SLC35E4: variants seen among roughly 807,000 people sequenced by gnomAD.
The protein encoded by SLC35E4 is solute carrier family 35, member E4.
Under a neutral mutation model 19.3 loss-of-function variants are expected in SLC35E4, and 15 were observed. The observed-to-expected ratio is 0.78, with a 90% CI of 0.52 to 1.20. The LOEUF (loss-of-function observed/expected upper bound fraction) is 1.20. Ranked by LOEUF, SLC35E4 falls within the 50% of genes most tolerant of loss-of-function variation. The probability of loss-of-function intolerance (pLI) is 0.00; values close to 1 mark genes in which losing one functional copy is unlikely to be tolerated. For synonymous variants in SLC35E4, 219 were observed against 219.9 expected, an observed-to-expected ratio of 1.00 and a Z score of 0.04; for missense variants, 406 against 472.3, an observed-to-expected ratio of 0.86 and a Z score of 1.30.
intron 2 of SLC35E4, among the ~76,000 whole-genome samples, chr22:30,657,316 G>T (rs566012216): frequency 1.3e-5 from 2 of 151,376 alleles, no homozygotes; most frequent in African/African-American, 2.4e-5. Context: ...CAAATTAGCC[G>T]GGCGTGGGGG....
chr22:30,638,816 A>C (rs1490906123), intron 1 of SLC35E4, among the ~76,000 whole-genome samples: 1 of 152,004 alleles, frequency 6.6e-6, no homozygotes, highest in Non-Finnish European at 1.5e-5. Flanking sequence ...CTGTCTCAAA[A>C]TTAGCCGGGC....
chr22:30,663,902 G>A (rs754665481), downstream of SLC35E4: 28 of 1,614,020 alleles, frequency 1.7e-5, no homozygotes, highest in East Asian at 2.0e-4. Context: ...TGTTGTTGGC[G>A]GCCACACCAT....
intron 1 of SLC35E4, among the ~76,000 whole-genome samples, chr22:30,643,741 A>C (rs973442068): frequency 6.6e-6 from 1 of 152,186 alleles, no homozygotes; most frequent in Admixed American, 6.5e-5. Flanking sequence ...AGTATCACAC[A>C]GCCCGTGAAA....
At position 30,647,143 on chromosome 22, in the gene SLC35E4, A is replaced by C; in HGVS notation, c.*112A>C. ...CTGGGCATGGTGGCTCACGCCTATA[A>C]TCCCAGCACTTCCAGAGTCCGAGGT... On this transcript the variant is annotated 3_prime_UTR_variant, in exon 2 of 2. Transcript: ENST00000343605. 2 of 1,287,716 alleles carry C rather than the reference A, an allele frequency of 1.6e-6. No individual in the cohort carries two copies. Among genetic ancestry groups the C allele is most frequent in the Non-Finnish European group, 2.1e-6 (2 of 961,836 alleles). The allele number at this position is 1,287,716 out of a possible 1,614,324, so 79.8% of individuals were successfully genotyped here. A position where few individuals can be genotyped will look rare whatever the true frequency, so the allele number is the denominator to read the frequency against.
intron 1 of SLC35E4, among the ~76,000 whole-genome samples, chr22:30,644,190 T>A (rs1420001585): frequency 1.3e-5 from 2 of 152,232 alleles, no homozygotes; most frequent in Non-Finnish European, 2.9e-5. Context: ...TATCTGTTCA[T>A]TTCTAGAAAC....
downstream of SLC35E4, chr22:30,663,948 C>T: frequency 1.2e-6 from 2 of 1,614,172 alleles, no homozygotes; most frequent in Non-Finnish European, 1.7e-6. Context: ...CTGCGAGAGG[C>T]CGCTGACTGA....
chr22:30,663,750 G>A (rs1486343868), downstream of SLC35E4: 2 of 1,614,188 alleles, frequency 1.2e-6, no homozygotes, highest in Non-Finnish European at 8.5e-7. Flanking sequence ...GTCAGCAATA[G>A]GGTCAAAGAA....
rs751043543 is a variant in SLC35E4 at position 30,636,985 on chromosome 22, GC to G, written c.536del (p.Ala179ValfsTer40). The G allele has an allele frequency of 4.3e-6, 7 of 1,611,700 alleles. No individual in the cohort carries two copies. Among genetic ancestry groups the G allele is most frequent in the Non-Finnish European group, 5.1e-6 (6 of 1,178,974 alleles). On this transcript the variant is annotated frameshift_variant, in exon 1 of 2. Transcript: ENST00000343605. LOFTEE classifies it high-confidence loss of function. ...CTGCCTGGGGGCCGCCTGCAGCCTG[GC>G]TGGAGAGTTCCGGACACCCCCTACC... ...PLCLGAACSL[A>X]GEFRTPPTGC...
intron 2 of SLC35E4, among the ~76,000 whole-genome samples, chr22:30,657,133 GCA>G (rs2088353442): frequency 2.0e-5 from 3 of 152,080 alleles, no homozygotes; most frequent in Non-Finnish European, 4.4e-5. Flanking sequence ...CTACGAATAA[GCA>G]TGTAAGATAA....
At chr22:30,663,348 C>G (rs2145612831), downstream of SLC35E4, 7 of 1,351,482 alleles carry the variant, frequency 5.2e-6, 1 homozygote, top group South Asian at 1.0e-4. Context: ...TCTGTATCAA[C>G]AAAAGTAGAA....
rs752780032 is a variant in SLC35E4 at position 30,637,191 on chromosome 22, G to T, written c.619+122G>T. The T allele has an allele frequency of 1.4e-4, 197 of 1,409,970 alleles. 1 individual carries two copies. The highest frequency in any genetic ancestry group is 1.7e-4 in the Non-Finnish European group (184 of 1,063,020). 87.3% of individuals were successfully genotyped at this position (1,409,970 alleles called of 1,614,324 possible). ...AATGAGGAAACTGAGGTTCATGGCT[G>T]TGGAGGAAGCAGAACTGAGGCTCAG... is the stretch of plus-strand genomic sequence containing the variant. On this transcript the variant is annotated intron_variant, in intron 1 of 1. Transcript: ENST00000343605.
At chr22:30,654,797 G>T in intron 2 of SLC35E4, 1 of 193,994 alleles carries the variant, frequency 5.2e-6, no homozygotes, top group Non-Finnish European at 1.1e-5. Flanking sequence ...TGAGCACCGG[G>T]ACCTGCCCCT....
downstream of SLC35E4, chr22:30,667,029 A>G (rs943957404): frequency 2.0e-5 from 3 of 152,196 alleles, no homozygotes; most frequent in African/African-American, 7.2e-5. Flanking sequence ...AGATCTAAAG[A>G]ACGTTTAGCT....
chr22:30,663,040 G>A (rs1293306127), exon 3 of SLC35E4: 1 of 186,494 alleles, frequency 5.4e-6, no homozygotes, highest in East Asian at 1.4e-4. Context: ...GTACCATGAT[G>A]CTTAAGGCTC....
chr22:30,654,505 G>T (rs1178282900), intron 2 of SLC35E4: 1 of 432,846 alleles, frequency 2.3e-6, no homozygotes, highest in Non-Finnish European at 4.6e-6. Flanking sequence ...TAAACACCTT[G>T]AGGCGGTCTT....
chr22:30,656,345 A>T (rs935896891), intron 2 of SLC35E4, among the ~76,000 whole-genome samples: 1 of 152,096 alleles, frequency 6.6e-6, no homozygotes, highest in Non-Finnish European at 1.5e-5. Flanking sequence ...GTCAAGAGCT[A>T]CCTGCCCCTG....
chr22:30,651,735 G>C (rs1330042094), downstream of SLC35E4, among the ~76,000 whole-genome samples: 1 of 152,036 alleles, frequency 6.6e-6, no homozygotes, highest in Non-Finnish European at 1.5e-5. Context: ...TGCTAGGGCA[G>C]AGTGGGTATC....
At position 30,647,729 on chromosome 22, in the gene SLC35E4, C is replaced by CT. The variant is rs1491504707; in HGVS notation, c.*699dup. On this transcript the variant is annotated 3_prime_UTR_variant, in exon 2 of 2. Coordinates refer to ENST00000343605, the MANE Select transcript of SLC35E4 (RefSeq NM_001001479.4). Reference sequence around the variant, plus strand: ...CTTGGCGGTTACACAATCCTTCCTCCTGGGGGGGAGGCAGCTAGGAGGCCC... The same window carrying CT: ...CTTGGCGGTTACACAATCCTTCCTCCTTGGGGGGGAGGCAGCTAGGAGGCCC... The CT allele has an allele frequency of 6.6e-6, 1 of 152,206 alleles. No individual in the cohort carries two copies. The highest frequency in any genetic ancestry group is 1.5e-5 in the Non-Finnish European group (1 of 68,040). The allele number at this position is 152,206 out of a possible 1,614,324, so 9.4% of individuals were successfully genotyped here. A position where few individuals can be genotyped will look rare whatever the true frequency, so the allele number is the denominator to read the frequency against.
At chr22:30,651,684 C>T (rs2088225832), downstream of SLC35E4, among the ~76,000 whole-genome samples, 1 of 151,696 alleles carries the variant, frequency 6.6e-6, no homozygotes, top group African/African-American at 2.4e-5. Flanking sequence ...TAGGGAAGAC[C>T]TGTTGTTGTG....
Sources: gnomAD v4.1 joint callset for allele counts (sites outside exome capture counted in the v4.1 genomes callset) on GRCh38, gnomAD v4.1.1 for gene constraint, MANE v1.5 for transcripts, NCBI Gene and HGNC (gene_info 2026-07-23, HGNC 2026-07-21) for gene names.